The following SCN9A variants were observed in gnomAD, a reference collection of about 807,000 sequenced individuals.
SCN9A encodes sodium voltage-gated channel alpha subunit 9, also known as sodium channel protein type 9 subunit alpha.
SCN9A carries 131 observed loss-of-function variants against 187.0 expected under a neutral mutation model. The ratio of observed to expected loss-of-function variants is 0.70; its 90% CI spans 0.61 to 0.81. The LOEUF is 0.81. Among genes scored for constraint, SCN9A ranks in the 30% least tolerant of loss-of-function variants. The pLI, the probability that SCN9A is intolerant of heterozygous loss-of-function variation, is 0.00. For missense variants in SCN9A, 2,252 were observed against 2,396.6 expected, an observed-to-expected ratio of 0.94 and a Z score of 1.26; for synonymous variants, 809 against 808.6, an observed-to-expected ratio of 1.00 and a Z score of -0.01.
At chr2:166,350,064 G>T (rs1217264148) in intron 1 of SCN9A, among the ~76,000 whole-genome samples, 1 of 152,056 alleles carries the variant, frequency 6.6e-6, no homozygotes, top group African/African-American at 2.4e-5. Context: ...TTCTACTCCT[G>T]GTTCGTGGAC....
At chr2:166,326,331 A>G (rs1231747622) in intron 1 of SCN9A, among the ~76,000 whole-genome samples, 1 of 152,178 alleles carries the variant, frequency 6.6e-6, no homozygotes, top group African/African-American at 2.4e-5. Context: ...ATAATACTTA[A>G]ACCAAGTCTA....
chr2:166,302,960 C>A (rs1042652077), intron 7 of SCN9A, 130 bp downstream of exon 7: 26 of 750,096 alleles, frequency 3.5e-5, no homozygotes, highest in Non-Finnish European at 5.5e-5. Flanking sequence ...CCCAAATTCA[C>A]ACTGTAGCAG....
At chr2:166,272,355 A>T (rs1697027713) in intron 17 of SCN9A, 44 bp downstream of exon 17, 1 of 1,195,274 alleles carries the variant, frequency 8.4e-7, no homozygotes, top group Non-Finnish European at 1.2e-6. Flanking sequence ...TTCATTTCAT[A>T]CTAATTGTTA....
At chr2:166,267,440 G>C (rs1696790161) in intron 17 of SCN9A, among the ~76,000 whole-genome samples, 1 of 151,884 alleles carries the variant, frequency 6.6e-6, no homozygotes, top group Non-Finnish European at 1.5e-5. Flanking sequence ...TTGATAGGCT[G>C]TTGGATTTGA....
intron 1 of SCN9A, among the ~76,000 whole-genome samples, chr2:166,346,073 C>G (rs1431262647): frequency 1.3e-5 from 2 of 152,140 alleles, no homozygotes; most frequent in Non-Finnish European, 2.9e-5. Context: ...TCTCCTGCTC[C>G]TCTGGGCTTT....
chr2:166,244,190 C>A (rs1039436951), intron 18 of SCN9A, among the ~76,000 whole-genome samples: 1 of 151,806 alleles, frequency 6.6e-6, no homozygotes, highest in African/African-American at 2.4e-5. Context: ...GAACCTGAAA[C>A]GGGAAAAACC....
At position 166,199,025 on chromosome 2, in the gene SCN9A, G is replaced by C. The variant is rs764685430; in HGVS notation, c.5614C>G (p.Pro1872Ala). The C allele has an allele frequency of 2.5e-6, 4 of 1,613,986 alleles. No homozygotes were observed. In the African/African-American group the frequency reaches 4.0e-5, roughly 16 times the overall value. The part of the protein sequence containing the change: ...QMEERFMSAN[P>A]SKVSYEPITT... ...ATGGGTTCATAGGACACTTTGGAAG[G>C]ATTTGCAGACATGAACCTTTCTTCC... Residue 1872 changes from proline (P) to alanine (A), a missense_variant, in exon 27 of 27, where the codon CCT (proline) becomes GCT (alanine). Physicochemically the swap from Pro to Ala is conservative, Grantham distance 27. This residue lies in a region of SCN9A where 345 missense variants were observed against 344.6 expected (regional missense o/e 1.00). Coordinates refer to ENST00000642356, the MANE Select transcript of SCN9A (RefSeq NM_001365536.1).
intron 13 of SCN9A, 74 bp downstream of exon 13, chr2:166,281,605 G>A: frequency 7.4e-7 from 1 of 1,355,110 alleles, no homozygotes; most frequent in Non-Finnish European, 1.0e-6. Flanking sequence ...AATTTCATGT[G>A]CCTATTTAAG....
At chr2:166,257,744 T>C (rs1438548587) in intron 17 of SCN9A, among the ~76,000 whole-genome samples, 1 of 151,476 alleles carries the variant, frequency 6.6e-6, no homozygotes, top group Non-Finnish European at 1.5e-5. Flanking sequence ...TTTCTAGAAA[T>C]AGCTTTCTCA....
At position 166,198,690 on chromosome 2, in the gene SCN9A, G is replaced by C. The variant is rs201640210; in HGVS notation, c.5949C>G (p.Ser1983Arg). ...RTEKEDKGKD[S>R]KESKK ...TGAAGCTCTATTTTTTGCTTTCCTT[G>C]CTGTCTTTCCCTTTGTCTTCCTTTT... Residue 1983 changes from serine (S) to arginine (R), a missense_variant, in exon 27 of 27, where the codon AGC (serine) becomes AGG (arginine). Ser to Arg is a moderately radical substitution (Grantham distance 110). Transcript: ENST00000642356. The C allele has an allele frequency of 5.6e-5, 90 of 1,593,706 alleles. 2 individuals carry two copies. In the African/African-American group the frequency reaches 9.6e-4, roughly 17 times the overall value.
At chr2:166,230,294 C>T (rs1224989672) in intron 21 of SCN9A, among the ~76,000 whole-genome samples, 1 of 152,020 alleles carries the variant, frequency 6.6e-6, no homozygotes, top group Non-Finnish European at 1.5e-5. Context: ...ATATAACAAA[C>T]ATTATGGTTG....
intron 19 of SCN9A, among the ~76,000 whole-genome samples, chr2:166,239,574 G>C (rs1470517050): frequency 2.0e-5 from 3 of 152,090 alleles, no homozygotes; most frequent in Non-Finnish European, 2.9e-5. Context: ...CCCAGCAGTT[G>C]GCAGAGGTTC....
At chr2:166,284,291 T>C (rs1324743334) in intron 12 of SCN9A, among the ~76,000 whole-genome samples, 162 bp downstream of exon 12, 1 of 152,150 alleles carries the variant, frequency 6.6e-6, no homozygotes, top group East Asian at 1.9e-4. Flanking sequence ...CTACAACACA[T>C]AGAATGAGGA....
intron 24 of SCN9A, chr2:166,205,181 C>T (rs1049421636): frequency 2.0e-5 from 3 of 151,988 alleles, no homozygotes; most frequent in African/African-American, 7.2e-5. Flanking sequence ...CATATGGAAC[C>T]AAAAAAGAGC....
intron 17 of SCN9A, among the ~76,000 whole-genome samples, chr2:166,258,643 A>G (rs1348718266): frequency 3.3e-5 from 5 of 151,642 alleles, no homozygotes; most frequent in Admixed American, 2.6e-4. Flanking sequence ...TTTGACCCCA[A>G]CTTTCTAGAT....
chr2:166,313,090 AT>A (rs1391464584), intron 1 of SCN9A, among the ~76,000 whole-genome samples: 1 of 103,066 alleles, frequency 9.7e-6, no homozygotes, highest in Non-Finnish European at 2.7e-5. Context: ...AAATAATATA[AT>A]TATTATGTAA....
chr2:166,330,449 A>T (rs1335923155), intron 1 of SCN9A, among the ~76,000 whole-genome samples: 1 of 152,178 alleles, frequency 6.6e-6, no homozygotes, highest in East Asian at 1.9e-4. Context: ...AAGCACTATG[A>T]TTTAAAGTAC....
intron 3 of SCN9A, 150 bp from the exon 4 acceptor site, chr2:166,306,749 A>C: frequency 1.4e-6 from 1 of 692,362 alleles, no homozygotes; most frequent in African/African-American, 1.8e-5. Context: ...GAGAGTAATA[A>C]ATAAAAGTAA....
At chr2:166,220,224 CATGGTAAAAACTAAAAAAAGAAAACAA>C (rs1355661017) in intron 24 of SCN9A, among the ~76,000 whole-genome samples, 1 of 152,098 alleles carries the variant, frequency 6.6e-6, no homozygotes, top group Non-Finnish European at 1.5e-5. Context: ...AACAACCTTT[CATGGTAAAAACTAAAAAAAGAAAACAA>C]AAGCTAGGTA....
Sources: gnomAD v4.1 joint callset for allele counts (sites outside exome capture counted in the v4.1 genomes callset) on GRCh38, gnomAD v4.1.1 for gene constraint, gnomAD v4.1.1 regional missense constraint, MANE v1.5 for transcripts, NCBI Gene and HGNC (gene_info 2026-07-23, HGNC 2026-07-21) for gene names.